Variants in SNTB1 observed in about 807,000 individuals in gnomAD.
SNTB1 encodes syntrophin beta 1, also known as beta-1-syntrophin.
A neutral mutation model predicts 48.9 loss-of-function variants in SNTB1; 36 were observed. That is an observed-to-expected ratio of 0.74 (90% CI 0.56 to 0.97). The LOEUF is 0.97. Among genes scored for constraint, SNTB1 ranks in the 50% least tolerant of loss-of-function variants. SNTB1 has a pLI of 0.00. For synonymous variants in SNTB1, 299 were observed against 294.6 expected (o/e 1.01, Z -0.15); for missense variants, 786 against 703.4 (o/e 1.12, Z -1.33).
chr8:120,649,710 C>T lies in SNTB1; in HGVS notation c.789-17059G>A, dbSNP rs373203083. ...TGGGCTCCACCCAGTTCGAGCTTCC[C>T]GGCTGCTTTGTTTACCTAATGAAGC... On this transcript the variant is annotated intron_variant, in intron 2 of 6. Coordinates refer to ENST00000517992, the MANE Select transcript of SNTB1 (RefSeq NM_021021.4). Among the ~76,000 whole-genome samples the T allele has an allele frequency of 6.7e-3, 1,019 of 151,942 alleles. 5 individuals are homozygous for T. Among genetic ancestry groups the T allele is most frequent in the East Asian group, 0.044 (228 of 5,130 alleles).
At chr8:120,593,140 G>A (rs1466885165) in intron 3 of SNTB1, among the ~76,000 whole-genome samples, 2 of 152,180 alleles carry the variant, frequency 1.3e-5, no homozygotes, top group Non-Finnish European at 2.9e-5. Flanking sequence ...CAGTTGTAAA[G>A]TTTTGATTCA....
At chr8:120,656,045 T>C (rs1414995529) in intron 2 of SNTB1, among the ~76,000 whole-genome samples, 1 of 152,204 alleles carries the variant, frequency 6.6e-6, no homozygotes, top group African/African-American at 2.4e-5. Flanking sequence ...GTGTTGAGCC[T>C]GTTTTTTTTG....
chr8:120,787,159 G>C (rs578249321), intron 1 of SNTB1, among the ~76,000 whole-genome samples: 4 of 151,726 alleles, frequency 2.6e-5, no homozygotes, highest in African/African-American at 2.4e-5. Context: ...GCTGAAGCTA[G>C]GTGACAATAA....
chr8:120,623,849 A>C lies in SNTB1; in HGVS notation c.996+8595T>G, dbSNP rs547422792. Among the ~76,000 whole-genome samples the C allele has an allele frequency of 1.1e-4, 16 of 152,362 alleles. No individual in the cohort carries two copies. The East Asian group carries it at 2.9e-3, about 28-fold the overall frequency. ...GCAATCCACAATGCCCAATAAGATT[A>C]AAGTAGGTTCAACAGAGTCTGCTAG... On this transcript the variant is annotated intron_variant, in intron 3 of 6. Coordinates refer to ENST00000517992, the MANE Select transcript of SNTB1 (RefSeq NM_021021.4).
chr8:120,719,794 C>T (rs1359487000), intron 1 of SNTB1, among the ~76,000 whole-genome samples: 1 of 151,452 alleles, frequency 6.6e-6, no homozygotes, highest in Non-Finnish European at 1.5e-5. Flanking sequence ...CTGGTGTCTG[C>T]TCTACTCACT....
At chr8:120,624,693 C>T (rs976482315) in intron 3 of SNTB1, among the ~76,000 whole-genome samples, 3 of 151,566 alleles carry the variant, frequency 2.0e-5, no homozygotes, top group African/African-American at 7.3e-5. Context: ...CCAGCACCAA[C>T]TCAAAAGTCC....
intron 4 of SNTB1, chr8:120,570,221 T>A (rs1772735627): frequency 6.6e-6 from 1 of 152,218 alleles, no homozygotes. Context: ...GTACTTTGTG[T>A]CCTCACAGAA....
chr8:120,546,483 G>C (rs1297559542), intron 5 of SNTB1, among the ~76,000 whole-genome samples: 1 of 151,524 alleles, frequency 6.6e-6, no homozygotes, highest in African/African-American at 2.4e-5. Flanking sequence ...TTTTTGTTTT[G>C]TTTTGTTTTG....
intron 2 of SNTB1, among the ~76,000 whole-genome samples, chr8:120,675,211 G>A (rs1259747581): frequency 6.6e-6 from 1 of 152,046 alleles, no homozygotes; most frequent in Non-Finnish European, 1.5e-5. Flanking sequence ...CAGCCTTTGG[G>A]GCTCTGTATT....
intron 1 of SNTB1, among the ~76,000 whole-genome samples, chr8:120,717,480 G>A (rs528519791): frequency 6.6e-6 from 1 of 152,208 alleles, no homozygotes; most frequent in Non-Finnish European, 1.5e-5. Context: ...TTGTTGTTTT[G>A]TTCCAACTTT....
chr8:120,598,709 C>T (rs534815690), intron 3 of SNTB1, among the ~76,000 whole-genome samples: 2 of 152,276 alleles, frequency 1.3e-5, no homozygotes, highest in East Asian at 3.9e-4. Context: ...GTCTGAAATT[C>T]GAATTAATGG....
intron 2 of SNTB1, among the ~76,000 whole-genome samples, chr8:120,677,509 C>G (rs940909441): frequency 2.0e-5 from 3 of 152,138 alleles, no homozygotes; most frequent in Non-Finnish European, 4.4e-5. Flanking sequence ...TACTTTTCAA[C>G]TGAAAATACG....
chr8:120,577,821 T>C (rs1815975872), intron 3 of SNTB1, among the ~76,000 whole-genome samples: 1 of 152,318 alleles, frequency 6.6e-6, no homozygotes, highest in South Asian at 2.1e-4. Context: ...GTTTAAATAG[T>C]CCCAAAGCCC....
chr8:120,748,962 G>A (rs943711256), intron 1 of SNTB1, among the ~76,000 whole-genome samples: 7 of 152,142 alleles, frequency 4.6e-5, no homozygotes, highest in African/African-American at 1.7e-4. Flanking sequence ...AGTGATTTTT[G>A]TTATTGTTAC....
intron 1 of SNTB1, among the ~76,000 whole-genome samples, chr8:120,808,371 TTC>T (rs971794676): frequency 2.0e-5 from 3 of 152,206 alleles, no homozygotes; most frequent in African/African-American, 7.2e-5. Flanking sequence ...ATTGTTATGA[TTC>T]TCTTTCTCCA....
At chr8:120,753,900 G>T (rs1819265871) in intron 1 of SNTB1, among the ~76,000 whole-genome samples, 1 of 152,162 alleles carries the variant, frequency 6.6e-6, no homozygotes, top group Non-Finnish European at 1.5e-5. Context: ...AATATCAAAA[G>T]ATAGGAGCGA....
intron 4 of SNTB1, among the ~76,000 whole-genome samples, chr8:120,563,843 C>T (rs998849666): frequency 6.6e-6 from 1 of 152,130 alleles, no homozygotes; most frequent in East Asian, 1.9e-4. Context: ...GGCATGGTGG[C>T]TCACGTCTGT....
intron 2 of SNTB1, among the ~76,000 whole-genome samples, chr8:120,671,001 C>A (rs1441021346): frequency 6.6e-6 from 1 of 152,206 alleles, no homozygotes; most frequent in African/African-American, 2.4e-5. Flanking sequence ...AGGTTTTGTA[C>A]TTTGGGATGT....
chr8:120,603,976 G>A (rs893691999), intron 3 of SNTB1, among the ~76,000 whole-genome samples: 2 of 152,128 alleles, frequency 1.3e-5, no homozygotes, highest in East Asian at 1.9e-4. Context: ...TCAGGCCAAG[G>A]CTTTGTCAAA....
Sources: allele counts gnomAD v4.1 joint callset (sites outside exome capture counted in the v4.1 genomes callset), GRCh38; gene constraint gnomAD v4.1.1; transcripts MANE v1.5; gene names NCBI Gene and HGNC (gene_info 2026-07-23, HGNC 2026-07-21).